BMP8A: variants seen among roughly 807,000 people sequenced by gnomAD.
BMP8A encodes the protein bone morphogenetic protein 8a, also known as BMP-8A.
A neutral mutation model predicts 36.8 loss-of-function variants in BMP8A; 14 were observed. That is an observed-to-expected ratio of 0.38 (90% CI 0.25 to 0.60). The LOEUF (loss-of-function observed/expected upper bound fraction) is 0.60, where lower values mean the gene tolerates loss of function less well. BMP8A is among the 20% of genes least tolerant of loss of function. BMP8A has a pLI of 0.63. For synonymous variants in BMP8A, 120 were observed against 237.7 expected (o/e 0.50, Z 4.55); for missense variants, 267 against 551.1 (o/e 0.48, Z 5.16).
At chr1:39,496,797 A>G (rs1198244102) in intron 1 of BMP8A, among the ~76,000 whole-genome samples, 1 of 152,228 alleles carries the variant, frequency 6.6e-6, no homozygotes, top group Non-Finnish European at 1.5e-5. Context: ...AGTGCTGTCG[A>G]ATTGAACTGA....
intron 3 of BMP8A, among the ~76,000 whole-genome samples, chr1:39,516,925 A>T (rs1645398827): frequency 6.6e-6 from 1 of 151,900 alleles, no homozygotes; most frequent in South Asian, 2.1e-4. Flanking sequence ...GCGAGCAAAG[A>T]TGTGAGTTTG....
In BMP8A at chr1:39,527,895, C is replaced by T. The variant is rs1419760006; in HGVS notation, c.*2097C>T. Among the ~76,000 whole-genome samples, 1 of 152,204 alleles carries T rather than the reference C, an allele frequency of 6.6e-6. No homozygotes were observed. The highest frequency in any genetic ancestry group is 1.5e-5 in the Non-Finnish European group (1 of 68,036). On this transcript the variant is annotated 3_prime_UTR_variant, in exon 7 of 7. Coordinates refer to ENST00000331593, the MANE Select transcript of BMP8A (RefSeq NM_181809.4). ...CTTCCAACCCAGAGAACCCATCTGC[C>T]CCCATGACCTTCTCCCAGAGCTTGA...
At chr1:39,496,871 A>T (rs1280613862) in intron 1 of BMP8A, among the ~76,000 whole-genome samples, 1 of 152,218 alleles carries the variant, frequency 6.6e-6, no homozygotes, top group Non-Finnish European at 1.5e-5. Context: ...GGGGGAATTT[A>T]TAGAAATAAT....
chr1:39,517,028 A>G lies in BMP8A; in HGVS notation c.674-4348A>G, dbSNP rs2745496. 9.2e-3 allele frequency among the ~76,000 whole-genome samples: 1,370 copies of G among 148,832 alleles called. 35 individuals carry two copies. The highest frequency in any genetic ancestry group is 0.032 in the African/African-American group (1,262 of 39,296). On this transcript the variant is annotated intron_variant, in intron 3 of 6. Coordinates refer to ENST00000331593, the MANE Select transcript of BMP8A (RefSeq NM_181809.4). ...TTTTGAGGCAGGGTCTGGCTCTGTCACTCAGGCTGGAATGCAATGGAATGC... is the reference window on the plus strand; with the variant it reads ...TTTTGAGGCAGGGTCTGGCTCTGTCGCTCAGGCTGGAATGCAATGGAATGC...
At chr1:39,497,606 C>T (rs1245278687) in intron 1 of BMP8A, among the ~76,000 whole-genome samples, 1 of 152,240 alleles carries the variant, frequency 6.6e-6, no homozygotes, top group Non-Finnish European at 1.5e-5. Flanking sequence ...GAAGCCCCAC[C>T]TGCATTGCAT....
intron 1 of BMP8A, among the ~76,000 whole-genome samples, chr1:39,506,786 C>T (rs782868): frequency 0.078 from 11,882 of 152,192 alleles, 1,159 homozygotes; most frequent in African/African-American, 0.23. Context: ...ATCTGACTTC[C>T]CTGCAAGCCT....
At chr1:39,494,958 A>G (rs1645192359) in intron 1 of BMP8A, among the ~76,000 whole-genome samples, 1 of 138,704 alleles carries the variant, frequency 7.2e-6, no homozygotes, top group Admixed American at 8.2e-5. Flanking sequence ...TGCTGTGCTA[A>G]CTGCACTAGT....
At chr1:39,508,850 AGGCTTGCCT>A (rs1371527917) in intron 1 of BMP8A, among the ~76,000 whole-genome samples, 1 of 152,188 alleles carries the variant, frequency 6.6e-6, no homozygotes, top group African/African-American at 2.4e-5. Flanking sequence ...CCCAACTTCC[AGGCTTGCCT>A]GGAACAGCCA....
At chr1:39,525,627 C>G (rs370803934) in intron 6 of BMP8A, 22 bp from the exon 7 acceptor site, 4 of 1,612,642 alleles carry the variant, frequency 2.5e-6, no homozygotes, top group Non-Finnish European at 3.4e-6. Context: ...CATGCCCCTG[C>G]CTGTGCTCCC....
intron 3 of BMP8A, among the ~76,000 whole-genome samples, chr1:39,520,157 C>CTTT: frequency 2.2e-5 from 1 of 45,616 alleles, no homozygotes. Context: ...TTTTTTTTTC[C>CTTT]TTGAAACACA....
At position 39,523,864 on chromosome 1, in the gene BMP8A, C is replaced by T. The variant is rs147925217; in HGVS notation, c.1059+747C>T. The T allele has an allele frequency of 2.0e-3, 833 of 421,422 alleles. 6 individuals are homozygous for T. The highest frequency in any genetic ancestry group is 0.016 in the African/African-American group (759 of 47,016). The allele number at this position is 421,422 out of a possible 1,614,324, so 26.1% of individuals were successfully genotyped here. A position where few individuals can be genotyped will look rare whatever the true frequency, so the allele number is the denominator to read the frequency against. ...TATGTTTTCCTCTTAGGAGGTTCAA[C>T]GGTGATGCCTTGATCAGGCGCAGTG... On this transcript the variant is annotated intron_variant, in intron 6 of 6. Transcript: ENST00000331593.
chr1:39,492,265 G>T lies in BMP8A; in HGVS notation c.274G>T (p.Gly92Cys). Residue 92 changes from glycine to cysteine, a missense_variant, in exon 1 of 7, where the codon GGC (glycine) becomes TGC (cysteine). This residue lies in a region of BMP8A where 37 missense variants were observed against 39.5 expected (regional missense o/e 0.94). Coordinates refer to ENST00000331593, the MANE Select transcript of BMP8A (RefSeq NM_181809.4). ...CATGGCTGGCGACGACGACGAGGAC[G>T]GCGCGCCCGCGGAGCAGCGCCTGGG... is the stretch of plus-strand genomic sequence containing the variant. ...HAMAGDDDED[G>C]APAEQRLGRA... is the part of the protein sequence containing the mutation. 1 of 1,562,904 alleles carries T rather than the reference G, an allele frequency of 6.4e-7. No individual in the cohort carries two copies. The highest frequency in any genetic ancestry group is 8.6e-7 in the Non-Finnish European group (1 of 1,165,256).
In BMP8A at chr1:39,524,816, G is replaced by C. The variant is rs1408766821; in HGVS notation, c.1060-833G>C. ...TGGAAGGCAGAGGAGCAGGGGATGA[G>C]TGAGGGCTGCTGTGGTCACCTGGCA... is the stretch of plus-strand genomic sequence containing the variant. On this transcript the variant is annotated intron_variant, in intron 6 of 6. Coordinates refer to ENST00000331593, the MANE Select transcript of BMP8A (RefSeq NM_181809.4). This position sits in a 1 kb window ranked among gnomAD's most constrained non-coding sequence, Gnocchi z 4.0. 2.0e-5 allele frequency: 3 copies of C among 152,712 alleles called. No individual in the cohort carries two copies. The highest frequency in any genetic ancestry group is 1.5e-5 in the Non-Finnish European group (1 of 68,410). 9.5% of individuals were successfully genotyped at this position (152,712 alleles called of 1,614,324 possible).
At position 39,526,672 on chromosome 1, in the gene BMP8A, C is replaced by A. The variant is rs938028626; in HGVS notation, c.*874C>A. ...ATTTTATGTCATGTGTATTCCCTTG[C>A]CCTGGGCCTGCCCCTTCTCCTGCCT... On this transcript the variant is annotated 3_prime_UTR_variant, in exon 7 of 7. Transcript: ENST00000331593. Among the ~76,000 whole-genome samples, 5 of 152,176 alleles carry A rather than the reference C, an allele frequency of 3.3e-5. No homozygotes were observed. The highest frequency in any genetic ancestry group is 1.2e-4 in the African/African-American group (5 of 41,422).
chr1:39,522,642 G>A lies in BMP8A; in HGVS notation c.948+160G>A. On this transcript the variant is annotated intron_variant, in intron 5 of 6. Coordinates refer to ENST00000331593, the MANE Select transcript of BMP8A (RefSeq NM_181809.4). The stretch of plus-strand genomic sequence containing the variant: ...TCTAAAGTGAGAATATGGTGAGAAA[G>A]GGTTTTGTTGTTGTTGTTGTGTTTT... 6 of 1,131,442 alleles carry A rather than the reference G, an allele frequency of 5.3e-6. No homozygotes were observed. In the South Asian group the frequency reaches 1.2e-4, roughly 23 times the overall value. 70.1% of individuals were successfully genotyped at this position (1,131,442 alleles called of 1,614,324 possible).
chr1:39,523,536 T>TG (rs1645451653), intron 6 of BMP8A: 3 of 1,384,780 alleles, frequency 2.2e-6, no homozygotes, highest in Non-Finnish European at 2.8e-6. Flanking sequence ...GCACAGTGTG[T>TG]GGGGTGTGCG....
chr1:39,525,886 C>G lies in BMP8A; in HGVS notation c.*88C>G. ...AAAACCCTTAAATGCTGTCACAGCTCAAGCAGGAGTGTCAGGGGCCCTCAC... is the reference window on the plus strand; with the variant it reads ...AAAACCCTTAAATGCTGTCACAGCTGAAGCAGGAGTGTCAGGGGCCCTCAC... On this transcript the variant is annotated 3_prime_UTR_variant, in exon 7 of 7. Coordinates refer to ENST00000331593, the MANE Select transcript of BMP8A (RefSeq NM_181809.4). 1 of 1,578,264 alleles carries G rather than the reference C, an allele frequency of 6.3e-7. No individual in the cohort carries two copies. Among genetic ancestry groups the G allele is most frequent in the Non-Finnish European group, 8.6e-7 (1 of 1,163,614 alleles).
chr1:39,493,258 C>A (rs1234008017), intron 1 of BMP8A, among the ~76,000 whole-genome samples: 3 of 152,198 alleles, frequency 2.0e-5, no homozygotes, highest in East Asian at 1.9e-4. Context: ...CACCAGCCTC[C>A]CTCCACAGAC....
At position 39,522,414 on chromosome 1, in the gene BMP8A, G is replaced by T. The variant is rs765056618; in HGVS notation, c.880G>T (p.Gly294Cys). Residue 294 changes from glycine (G) to cysteine (C), a missense_variant, in exon 5 of 7, where the codon GGC becomes TGC. Around this residue, in one of 7 missense-constraint regions of BMP8A, gnomAD observed 6 missense variants for 27.9 expected, o/e 0.21. Transcript: ENST00000331593. ...RLPGIFDDVR[G>C]SHGRQVCRRH... ...TTCTGTCCCTGCAGATGACGTCCGC[G>T]GCTCCCACGGCCGGCAGGTCTGCCG... is the stretch of plus-strand genomic sequence containing the variant. The T allele has an allele frequency of 6.2e-7, 1 of 1,605,500 alleles. No individual in the cohort carries two copies. Among genetic ancestry groups the T allele is most frequent in the African/African-American group, 1.3e-5 (1 of 74,676 alleles).
Sources: allele counts gnomAD v4.1 joint callset (sites outside exome capture counted in the v4.1 genomes callset), GRCh38; gene constraint gnomAD v4.1.1; regional missense constraint gnomAD v4.1.1; non-coding constraint Gnocchi (gnomAD v3.1); transcripts MANE v1.5; gene names NCBI Gene and HGNC (gene_info 2026-07-23, HGNC 2026-07-21).